IFI16: variants seen among roughly 807,000 people sequenced by gnomAD.
The protein encoded by IFI16 is interferon gamma inducible protein 16.
IFI16 carries 49 observed loss-of-function variants against 68.4 expected under a neutral mutation model. That is an observed-to-expected ratio of 0.72 (90% confidence interval 0.57 to 0.91). IFI16 has a LOEUF of 0.91. IFI16 is among the 40% of genes least tolerant of loss of function. IFI16 has a pLI of 0.00. For synonymous variants in IFI16, 307 were observed against 315.0 expected, an observed-to-expected ratio of 0.97 and a Z score of 0.27; for missense variants, 878 against 942.9, an observed-to-expected ratio of 0.93 and a Z score of 0.90.
At chr1:159,016,462 C>G in intron 3 of IFI16, 71 bp from the exon 4 acceptor site, 1 of 1,326,474 alleles carries the variant, frequency 7.5e-7, no homozygotes, top group East Asian at 2.5e-5. Context: ...AAACTACTAT[C>G]CAATAATGAA....
chr1:159,037,324 T>C (rs1187937254), intron 7 of IFI16, among the ~76,000 whole-genome samples: 1 of 152,204 alleles, frequency 6.6e-6, no homozygotes. Flanking sequence ...AGTGCATTAC[T>C]TCTGCTTTGG....
At chr1:159,015,788 T>C (rs780502577) in intron 2 of IFI16, 84 bp from the exon 3 acceptor site, 21 of 1,000,382 alleles carry the variant, frequency 2.1e-5, no homozygotes, top group South Asian at 5.7e-5. Flanking sequence ...GCAAATTGTA[T>C]TGAAACTGCT....
At position 159,018,507 on chromosome 1, in the gene IFI16, A is replaced by C; in HGVS notation, c.828A>C (p.Glu276Asp). 7 of 1,614,092 alleles carry C rather than the reference A, an allele frequency of 4.3e-6. No homozygotes were observed. The highest frequency in any genetic ancestry group is 5.1e-6 in the Non-Finnish European group (6 of 1,179,922). Reference sequence around the variant, plus strand: ...ATAGTCTCCTAGAGGTCAATGAAGAATCTACTGTATCTGAAGCTGGTCCTA... The same window carrying C: ...ATAGTCTCCTAGAGGTCAATGAAGACTCTACTGTATCTGAAGCTGGTCCTA... ...EYDSLLEVNEESTVSEAGPNQ... is the reference protein window; with the variant it reads ...EYDSLLEVNEDSTVSEAGPNQ... The change falls in exon 5 of 12, where the codon GAA becomes GAC. Residue 276 changes from glutamate (E) to aspartate (D), a missense_variant. By Grantham distance (45) the Glu-to-Asp change is conservative. This residue lies in a region of IFI16 where 443 missense variants were observed against 421.8 expected (regional missense o/e 1.05). Transcript: ENST00000295809.
intron 8 of IFI16, among the ~76,000 whole-genome samples, chr1:159,048,043 C>G (rs1655103217): frequency 6.8e-6 from 1 of 146,078 alleles, no homozygotes; most frequent in Non-Finnish European, 1.5e-5. Context: ...TCAAGACAAT[C>G]TTGTCAATAA....
At chr1:159,029,575 A>T (rs1419041603) in intron 6 of IFI16, among the ~76,000 whole-genome samples, 3 of 152,126 alleles carry the variant, frequency 2.0e-5, no homozygotes, top group East Asian at 1.9e-4. Flanking sequence ...AATCCCTCAA[A>T]TATGTTTTTC....
At chr1:159,026,630 C>G (rs896791757) in intron 6 of IFI16, among the ~76,000 whole-genome samples, 5 of 152,108 alleles carry the variant, frequency 3.3e-5, no homozygotes, top group Non-Finnish European at 7.4e-5. Context: ...TTGATTCTAC[C>G]CATCCCCGAG....
chr1:159,024,046 G>A (rs531232960), intron 6 of IFI16, among the ~76,000 whole-genome samples: 3 of 152,324 alleles, frequency 2.0e-5, no homozygotes, highest in Admixed American at 6.5e-5. Flanking sequence ...CCGTCCGAGT[G>A]GAAAGGGGAT....
At chr1:159,021,600 TC>T (rs1653316539) in intron 6 of IFI16, among the ~76,000 whole-genome samples, 1 of 152,210 alleles carries the variant, frequency 6.6e-6, no homozygotes. Context: ...TGACTTCTTT[TC>T]CTCTGGGTAG....
chr1:159,048,713 C>A (rs1191072866), intron 8 of IFI16, among the ~76,000 whole-genome samples: 1 of 151,278 alleles, frequency 6.6e-6, no homozygotes, highest in Non-Finnish European at 1.5e-5. Context: ...CCACATTGGC[C>A]AAATAGGGTG....
chr1:159,054,949 G>C lies in IFI16; in HGVS notation c.*48G>C. On this transcript the variant is annotated 3_prime_UTR_variant, in exon 12 of 12. Transcript: ENST00000295809. ...ATGTTTATGGAGATAAGGTCTAAGTGCCTAAAAAAATGTACATATACCTGG... is the reference window on the plus strand; with the variant it reads ...ATGTTTATGGAGATAAGGTCTAAGTCCCTAAAAAAATGTACATATACCTGG... 1 of 1,077,024 alleles carries C rather than the reference G, an allele frequency of 9.3e-7. No individual in the cohort carries two copies. The highest frequency in any genetic ancestry group is 1.9e-5 in the Admixed American group (1 of 53,350). The allele number at this position is 1,077,024 out of a possible 1,614,324, so 66.7% of individuals were successfully genotyped here.
intron 7 of IFI16, among the ~76,000 whole-genome samples, chr1:159,034,024 A>T (rs1258197533): frequency 6.6e-6 from 1 of 152,248 alleles, no homozygotes; most frequent in Non-Finnish European, 1.5e-5. Flanking sequence ...GAGTATTTTT[A>T]AAAAATCACT....
intron 6 of IFI16, among the ~76,000 whole-genome samples, chr1:159,026,632 A>G (rs184197127): frequency 1.3e-5 from 2 of 152,014 alleles, no homozygotes; most frequent in African/African-American, 2.4e-5. Flanking sequence ...GATTCTACCC[A>G]TCCCCGAGCA....
chr1:159,016,278 A>G (rs910533376), intron 3 of IFI16, among the ~76,000 whole-genome samples: 1 of 152,210 alleles, frequency 6.6e-6, no homozygotes, highest in Non-Finnish European at 1.5e-5. Flanking sequence ...ATAAAAACCT[A>G]GTTTCTCTAA....
chr1:159,005,004 G>C (rs1008251634), upstream of IFI16, among the ~76,000 whole-genome samples: 2 of 152,188 alleles, frequency 1.3e-5, no homozygotes, highest in African/African-American at 4.8e-5. Flanking sequence ...AGTACCCAAT[G>C]CAACAGTGTT....
At chr1:159,021,586 A>G (rs1172751775) in intron 6 of IFI16, among the ~76,000 whole-genome samples, 1 of 152,030 alleles carries the variant, frequency 6.6e-6, no homozygotes, top group African/African-American at 2.4e-5. Flanking sequence ...CTTTTTTTGT[A>G]TACTGACTTC....
rs202110181 is a variant in IFI16, at chr1:159,051,907, A to G, written c.1894A>G (p.Ile632Val). The change falls in exon 10 of 12, where the codon ATA becomes GTA. Residue 632 changes from isoleucine to valine, a missense_variant. Physicochemically the swap from Ile to Val is conservative, Grantham distance 29 (BLOSUM62 3). This residue lies in a region of IFI16 where 311 missense variants were observed against 305.1 expected (regional missense o/e 1.02). Transcript: ENST00000295809. ...GTTCACCCCAAAGAAGATCATTGCC[A>G]TAGCAAATTATGTTTGCCGCAATGG... ...EKFTPKKIIAIANYVCRNGFL... is the reference protein window; with the variant it reads ...EKFTPKKIIAVANYVCRNGFL... 33 of 1,614,020 alleles carry G rather than the reference A, an allele frequency of 2.0e-5. No individual in the cohort carries two copies. Among genetic ancestry groups the G allele is most frequent in the Non-Finnish European group, 2.5e-5 (29 of 1,179,964 alleles).
upstream of IFI16, chr1:159,009,145 C>T (rs1652390561): frequency 6.6e-6 from 1 of 152,192 alleles, no homozygotes; most frequent in African/African-American, 2.4e-5. Flanking sequence ...TCGATGCTGT[C>T]ATGTTGAGAG....
chr1:159,053,609 G>A lies in IFI16; in HGVS notation c.2162G>A (p.Arg721Gln), dbSNP rs1655493348. ...TGKMEVVVHG[R>Q]LTTINCEEGD... ...AAGATGGAAGTGGTGGTGCATGGACGACTGACCACAATCAACTGTGAGGAA... is the reference window on the plus strand; with the variant it reads ...AAGATGGAAGTGGTGGTGCATGGACAACTGACCACAATCAACTGTGAGGAA... Residue 721 changes from arginine (R) to glutamine (Q), a missense_variant, in exon 11 of 12, where the codon CGA (arginine) becomes CAA (glutamine). By Grantham distance (43) the Arg-to-Gln change is conservative. This residue lies in a region of IFI16 where 311 missense variants were observed against 305.1 expected (regional missense o/e 1.02). Coordinates refer to ENST00000295809, the MANE Select transcript of IFI16 (RefSeq NM_001376587.1). 6.8e-6 allele frequency: 11 copies of A among 1,613,446 alleles called. No individual in the cohort carries two copies. Among genetic ancestry groups the A allele is most frequent in the South Asian group, 6.6e-5 (6 of 91,058 alleles).
At chr1:159,014,053 TAG>T (rs1368469972) in intron 1 of IFI16, among the ~76,000 whole-genome samples, 47 of 152,160 alleles carry the variant, frequency 3.1e-4, no homozygotes, top group African/African-American at 1.1e-3. Flanking sequence ...GATGCTGCAC[TAG>T]AAAGCATGCA....
Sources: gnomAD v4.1 joint callset for allele counts (sites outside exome capture counted in the v4.1 genomes callset) on GRCh38, gnomAD v4.1.1 for gene constraint, gnomAD v4.1.1 regional missense constraint, MANE v1.5 for transcripts, NCBI Gene and HGNC (gene_info 2026-07-23, HGNC 2026-07-21) for gene names.